The following PDF variants were observed in gnomAD, a reference collection of about 807,000 sequenced individuals.
PDF encodes the protein peptide deformylase-like protein.
In PDF, 31 loss-of-function variants were observed where a neutral mutation model predicts 20.3. The ratio of observed to expected loss-of-function variants is 1.52; its 90% CI spans 1.15 to 2.06. The LOEUF (loss-of-function observed/expected upper bound fraction) is 2.06. PDF is among the 30% of genes most tolerant of loss of function. PDF has a pLI of 0.00. For missense variants in PDF, 447 were observed against 362.5 expected, an observed-to-expected ratio of 1.23 and a Z score of -1.89; for synonymous variants, 254 against 172.0, an observed-to-expected ratio of 1.48 and a Z score of -3.73.
Position 69,328,942 on chromosome 16 carries a change from T to C in PDF, c.*80A>G. 1.3e-6 allele frequency: 2 copies of C among 1,540,040 alleles called. No individual in the cohort carries two copies. The highest frequency in any genetic ancestry group is 1.2e-5 in the South Asian group (1 of 82,296). On this transcript the variant is annotated 3_prime_UTR_variant, in exon 2 of 2. Transcript: ENST00000288022. ...GTCATATGCGAGCCATCCAAGTTGA[T>C]GCCAAGTAAGATTTGCCCAGCTCAA...
rs887547696 is a variant in PDF at position 69,330,043 on chromosome 16, G to A, written c.528C>T (p.Ala176=). ...AGCGGGGCACGCAGGCCAGGAAGCC[G>A]GCGACGCTCTCGCAGCCCTCGGGAA... ...VTFPEGCESV[A]GFLACVPRFQ... is the part of the protein sequence containing the mutation. The change falls in exon 1 of 2, where the codon GCC becomes GCT. Residue 176 remains alanine, a synonymous_variant. Coordinates refer to ENST00000288022, the MANE Select transcript of PDF (RefSeq NM_022341.2). 4 of 1,549,120 alleles carry A rather than the reference G, an allele frequency of 2.6e-6. No homozygotes were observed. Among genetic ancestry groups the A allele is most frequent in the African/African-American group, 2.8e-5 (2 of 72,004 alleles).
chr16:69,330,555 C>T lies in PDF; in HGVS notation c.16G>A (p.Gly6Ser). Residue 6 changes from glycine to serine, a missense_variant, in exon 1 of 2, where the codon GGC becomes AGC. Physicochemically the swap from Gly to Ser is moderately conservative, Grantham distance 56. Coordinates refer to ENST00000288022, the MANE Select transcript of PDF (RefSeq NM_022341.2). Reference sequence around the variant, plus strand: ...CACAGTGGCCAAAGACTCAGCGCGCCCCACAGCCGGGCCATGGCGGCCCCC... The same window carrying T: ...CACAGTGGCCAAAGACTCAGCGCGCTCCACAGCCGGGCCATGGCGGCCCCC... MARLW[G>S]ALSLWPLWAA... is the part of the protein sequence containing the mutation. 8 of 1,469,528 alleles carry T rather than the reference C, an allele frequency of 5.4e-6. No homozygotes were observed. Among genetic ancestry groups the T allele is most frequent in the Middle Eastern group, 2.4e-4 (1 of 4,124 alleles). The allele number at this position is 1,469,528 out of a possible 1,614,324, so 91.0% of individuals were successfully genotyped here. A position where few individuals can be genotyped will look rare whatever the true frequency, so the allele number is the denominator to read the frequency against.
At position 69,330,388 on chromosome 16, in the gene PDF, T is replaced by G; in HGVS notation, c.183A>C (p.Glu61Asp). 1 of 1,479,154 alleles carries G rather than the reference T, an allele frequency of 6.8e-7. No homozygotes were observed. The highest frequency in any genetic ancestry group is 8.9e-7 in the Non-Finnish European group (1 of 1,122,840). The allele number at this position is 1,479,154 out of a possible 1,614,324, so 91.6% of individuals were successfully genotyped here. A position where few individuals can be genotyped will look rare whatever the true frequency, so the allele number is the denominator to read the frequency against. The change falls in exon 1 of 2, where the codon GAA becomes GAC. Residue 61 changes from glutamate (E) to aspartate (D), a missense_variant. By Grantham distance (45) the Glu-to-Asp change is conservative. Transcript: ENST00000288022. ...CTTGGCACACGTGCGAGAACGGCGG[T>G]TCGGGAGGACCCAGCACCAGACGCC... Reference protein sequence around the residue: ...HLRRLVLGPPEPPFSHVCQVG... With the variant: ...HLRRLVLGPPDPPFSHVCQVG...
In PDF at chr16:69,329,158, T is replaced by A. The variant is rs1567428330; in HGVS notation, c.596A>T (p.Gln199Leu). The change falls in exon 2 of 2, where the codon CAG becomes CTG. Residue 199 changes from glutamine (Q) to leucine (L), a missense_variant. Gln to Leu is a moderately radical substitution (Grantham distance 113). Transcript: ENST00000288022. ...QISGLDPNGE[Q>L]VVWQASGWAA... ...CCACCCGCTCGCCTGCCACACCACC[T>A]GTTCTCCATTGGGGTCCAGCCCTGC... 1 of 1,606,670 alleles carries A rather than the reference T, an allele frequency of 6.2e-7. No individual in the cohort carries two copies. The highest frequency in any genetic ancestry group is 8.5e-7 in the Non-Finnish European group (1 of 1,178,350).
At chr16:69,329,903 G>A (rs889045264) in intron 1 of PDF, 94 bp downstream of exon 1, 6 of 1,374,096 alleles carry the variant, frequency 4.4e-6, no homozygotes, top group Admixed American at 6.0e-5. Context: ...CGGGAGGTCC[G>A]GCGTATGAAC....
chr16:69,328,729 G>C lies in PDF; in HGVS notation c.*293C>G, dbSNP rs2143295512. 3 of 378,218 alleles carry C rather than the reference G, an allele frequency of 7.9e-6. No individual in the cohort carries two copies. The highest frequency in any genetic ancestry group is 7.0e-4 in the Middle Eastern group (1 of 1,430). 23.4% of individuals were successfully genotyped at this position (378,218 alleles called of 1,614,324 possible). A position where few individuals can be genotyped will look rare whatever the true frequency, so the allele number is the denominator to read the frequency against. The stretch of plus-strand genomic sequence containing the variant: ...GATTATACAGGTCCGAGGAACTCGT[G>C]TCTACTGCAGACGAATGCAATTACC... On this transcript the variant is annotated 3_prime_UTR_variant, in exon 2 of 2. Transcript: ENST00000288022.
rs770017991 is a variant in PDF, at chr16:69,330,094, T to G, written c.477A>C (p.Arg159=). 62 of 1,579,328 alleles carry G rather than the reference T, an allele frequency of 3.9e-5. No homozygotes were observed. The highest frequency in any genetic ancestry group is 2.1e-5 in the Non-Finnish European group (24 of 1,165,196). The change falls in exon 1 of 2, where the codon CGA becomes CGC. Residue 159 remains arginine, a synonymous_variant. Coordinates refer to ENST00000288022, the MANE Select transcript of PDF (RefSeq NM_022341.2). ...AGGTGACCAGGCGGCTGTCAAGCACTCGCAGGCTGGGGTTCACGAACACGC... is the reference window on the plus strand; with the variant it reads ...AGGTGACCAGGCGGCTGTCAAGCACGCGCAGGCTGGGGTTCACGAACACGC... The part of the protein sequence containing the change: ...PLRVFVNPSL[R]VLDSRLVTFP...
intron 1 of PDF, 59 bp from the exon 2 acceptor site, chr16:69,329,238 C>A: frequency 6.8e-7 from 1 of 1,466,960 alleles, no homozygotes; most frequent in South Asian, 1.4e-5. Context: ...CATCCTCAAC[C>A]TCCCTACCCC....
At position 69,326,978 on chromosome 16, in the gene PDF, T is replaced by C. The variant is rs935321788; in HGVS notation, c.*2044A>G. 2.0e-5 allele frequency: 3 copies of C among 152,160 alleles called. No individual in the cohort carries two copies. The South Asian group carries it at 6.2e-4, about 32-fold the overall frequency. 9.4% of individuals were successfully genotyped at this position (152,160 alleles called of 1,614,324 possible). The stretch of plus-strand genomic sequence containing the variant: ...CAAAAGCGTTAACCTCAGAAAGCTA[T>C]AAGAAGCATCAAAAGATTGCCATAG... On this transcript the variant is annotated 3_prime_UTR_variant, in exon 2 of 2. Coordinates refer to ENST00000288022, the MANE Select transcript of PDF (RefSeq NM_022341.2).
At position 69,330,202 on chromosome 16, in the gene PDF, C is replaced by T. The variant is rs1304341750; in HGVS notation, c.369G>A (p.Leu123=). The change falls in exon 1 of 2, where the codon CTG becomes CTA. Residue 123 remains leucine, a synonymous_variant. Coordinates refer to ENST00000288022, the MANE Select transcript of PDF (RefSeq NM_022341.2). Reference sequence around the variant, plus strand: ...ACAGCGCCTCGGGGAGCTCCAGCGCCAGCACCTGCCGCGGCACCCCCAGCT... The same window carrying T: ...ACAGCGCCTCGGGGAGCTCCAGCGCTAGCACCTGCCGCGGCACCCCCAGCT... ...APQLGVPRQV[L]ALELPEALCR... 22 of 1,457,228 alleles carry T rather than the reference C, an allele frequency of 1.5e-5. No homozygotes were observed. Among genetic ancestry groups the T allele is most frequent in the Non-Finnish European group, 1.9e-5 (21 of 1,112,526 alleles). The allele number at this position is 1,457,228 out of a possible 1,614,324, so 90.3% of individuals were successfully genotyped here.
rs747145620 is a variant in PDF at position 69,330,579 on chromosome 16, C to A, written c.-9G>T. 8.0e-5 allele frequency: 116 copies of A among 1,451,320 alleles called. No individual in the cohort carries two copies. In the Middle Eastern group the frequency reaches 1.2e-3, roughly 16 times the overall value. The allele number at this position is 1,451,320 out of a possible 1,614,324, so 89.9% of individuals were successfully genotyped here. A position where few individuals can be genotyped will look rare whatever the true frequency, so the allele number is the denominator to read the frequency against. Reference sequence around the variant, plus strand: ...CCCCACAGCCGGGCCATGGCGGCCCCCTTAACAGTGACCCGGCCCGCCCCT... The same window carrying A: ...CCCCACAGCCGGGCCATGGCGGCCCACTTAACAGTGACCCGGCCCGCCCCT... On this transcript the variant is annotated 5_prime_UTR_variant, in exon 1 of 2. Transcript: ENST00000288022.
rs748948523 is a variant in PDF at position 69,329,186 on chromosome 16, A to C, written c.575-7T>G. 1.3e-6 allele frequency: 2 copies of C among 1,587,136 alleles called. No individual in the cohort carries two copies. The highest frequency in any genetic ancestry group is 2.3e-5 in the South Asian group (2 of 87,898). ...TCTCCATTGGGGTCCAGCCCTGCAA[A>C]GGAAGTTACAGCCCTGGTGAGTGGG... On this transcript the variant is annotated splice_region_variant and splice_polypyrimidine_tract_variant and intron_variant, in intron 1 of 1. Coordinates refer to ENST00000288022, the MANE Select transcript of PDF (RefSeq NM_022341.2).
In PDF at chr16:69,328,745, T is replaced by G. The variant is rs1965681181; in HGVS notation, c.*277A>C. 9.5e-5 allele frequency: 40 copies of G among 419,500 alleles called. No individual in the cohort carries two copies. The South Asian group carries it at 1.2e-3, about 12-fold the overall frequency. 26.0% of individuals were successfully genotyped at this position (419,500 alleles called of 1,614,324 possible). On this transcript the variant is annotated 3_prime_UTR_variant, in exon 2 of 2. Coordinates refer to ENST00000288022, the MANE Select transcript of PDF (RefSeq NM_022341.2). Reference sequence around the variant, plus strand: ...GGAACTCGTGTCTACTGCAGACGAATGCAATTACCCCACCTTCCTCCATAC... The same window carrying G: ...GGAACTCGTGTCTACTGCAGACGAAGGCAATTACCCCACCTTCCTCCATAC...
intron 1 of PDF, among the ~76,000 whole-genome samples, chr16:69,329,395 A>G (rs1321871886): frequency 6.6e-6 from 1 of 152,228 alleles, no homozygotes; most frequent in African/African-American, 2.4e-5. Flanking sequence ...TAATTAGGTT[A>G]TCGAGCTCAC....
rs1965696093 is a variant in PDF at position 69,329,121 on chromosome 16, G to A, written c.633C>T (p.Ile211=). 6.2e-7 allele frequency: 1 copy of A among 1,610,096 alleles called. No homozygotes were observed. The highest frequency in any genetic ancestry group is 8.5e-7 in the Non-Finnish European group (1 of 1,179,242). ...GCAGGTGGTCCATCTCGTGCTGGAT[G>A]ATGCGGGCTGCCCACCCGCTCGCCT... ...VWQASGWAAR[I]IQHEMDHLQG... is the part of the protein sequence containing the mutation. The change falls in exon 2 of 2, where the codon ATC becomes ATT. Residue 211 remains isoleucine (I), a synonymous_variant. Coordinates refer to ENST00000288022, the MANE Select transcript of PDF (RefSeq NM_022341.2).
In PDF at chr16:69,330,104, G is replaced by A. The variant is rs1374003655; in HGVS notation, c.467C>T (p.Pro156Leu). Reference sequence around the variant, plus strand: ...GCGGCTGTCAAGCACTCGCAGGCTGGGGTTCACGAACACGCGCAGGGGGAA... The same window carrying A: ...GCGGCTGTCAAGCACTCGCAGGCTGAGGTTCACGAACACGCGCAGGGGGAA... ...EPFPLRVFVN[P>L]SLRVLDSRLV... The change falls in exon 1 of 2, where the codon CCC becomes CTC. Residue 156 changes from proline (P) to leucine (L), a missense_variant. Coordinates refer to ENST00000288022, the MANE Select transcript of PDF (RefSeq NM_022341.2). 2 of 1,583,164 alleles carry A rather than the reference G, an allele frequency of 1.3e-6. No individual in the cohort carries two copies. Among genetic ancestry groups the A allele is most frequent in the African/African-American group, 1.4e-5 (1 of 72,592 alleles).
At chr16:69,329,886 G>A (rs1597219627) in intron 1 of PDF, 111 bp downstream of exon 1, 8 of 1,297,948 alleles carry the variant, frequency 6.2e-6, no homozygotes, top group Non-Finnish European at 8.1e-6. Flanking sequence ...ATCCCACTTC[G>A]CTCCTGCGGG....
In PDF at chr16:69,328,106, C is replaced by G. The variant is rs1567427619; in HGVS notation, c.*916G>C. On this transcript the variant is annotated 3_prime_UTR_variant, in exon 2 of 2. Coordinates refer to ENST00000288022, the MANE Select transcript of PDF (RefSeq NM_022341.2). ...GGGATTACAGGTGCTCGCCACCACG[C>G]CCGGCTAATTTTTGTATCTTTAGTA... 1.3e-5 allele frequency: 2 copies of G among 152,140 alleles called. No individual in the cohort carries two copies. Among genetic ancestry groups the G allele is most frequent in the African/African-American group, 4.8e-5 (2 of 41,404 alleles). The allele number at this position is 152,140 out of a possible 1,614,324, so 9.4% of individuals were successfully genotyped here. A position where few individuals can be genotyped will look rare whatever the true frequency, so the allele number is the denominator to read the frequency against.
intron 1 of PDF, 129 bp from the exon 2 acceptor site, chr16:69,329,308 A>G: frequency 1.0e-6 from 1 of 963,594 alleles, no homozygotes; most frequent in Non-Finnish European, 1.4e-6. Context: ...AAATGTAGAC[A>G]GCAGCTCCTC....
Sources: gnomAD v4.1 joint callset for allele counts (sites outside exome capture counted in the v4.1 genomes callset) on GRCh38, gnomAD v4.1.1 for gene constraint, MANE v1.5 for transcripts, NCBI Gene and HGNC (gene_info 2026-07-23, HGNC 2026-07-21) for gene names.